Variants in ATP1B3 observed in about 807,000 individuals in gnomAD.
The protein encoded by ATP1B3 is sodium/potassium-transporting ATPase subunit beta-3.
In ATP1B3, 10 loss-of-function variants were observed where a neutral mutation model predicts 30.2. The observed-to-expected ratio is 0.33, with a 90% CI of 0.20 to 0.56. The LOEUF is 0.56. Among genes scored for constraint, ATP1B3 ranks in the 20% least tolerant of loss-of-function variants. ATP1B3 has a pLI of 0.90. For synonymous variants in ATP1B3, 113 were observed against 117.0 expected (o/e 0.97, Z 0.22); for missense variants, 238 against 336.7 (o/e 0.71, Z 2.29).
intron 1 of ATP1B3, among the ~76,000 whole-genome samples, chr3:141,882,502 C>T (rs1183099786): frequency 1.3e-5 from 2 of 152,130 alleles, no homozygotes; most frequent in Non-Finnish European, 2.9e-5. Context: ...ATACATACTT[C>T]CTGTTGAATT....
chr3:141,883,464 G>A (rs564145804), intron 1 of ATP1B3, among the ~76,000 whole-genome samples: 1 of 152,262 alleles, frequency 6.6e-6, no homozygotes, highest in African/African-American at 2.4e-5. Context: ...GCTACAATGA[G>A]CTGTAATTGT....
Position 141,917,470 on chromosome 3 carries a change from C to G in ATP1B3, c.582+1450C>G, listed in dbSNP as rs552808016. Among the ~76,000 whole-genome samples the G allele has an allele frequency of 2.0e-4, 31 of 151,966 alleles. No homozygotes were observed. The South Asian group carries it at 6.2e-3, about 31-fold the overall frequency. On this transcript the variant is annotated intron_variant, in intron 5 of 6. Transcript: ENST00000286371. ...TGGCACTTTGGGAGGCTGAGGCAGG[C>G]AGATCACGAGGTCAAGAGATCGAGA...
intron 3 of ATP1B3, among the ~76,000 whole-genome samples, chr3:141,911,145 A>G (rs1043638174): frequency 6.6e-6 from 1 of 152,008 alleles, no homozygotes; most frequent in Non-Finnish European, 1.5e-5. Flanking sequence ...ATCCTCTGTT[A>G]CCACTTTGAT....
chr3:141,899,490 T>C (rs941822315), intron 1 of ATP1B3, among the ~76,000 whole-genome samples: 12 of 152,150 alleles, frequency 7.9e-5, no homozygotes, highest in African/African-American at 2.7e-4. Context: ...GGTCTAGTCA[T>C]GTGTTGAGGG....
intron 1 of ATP1B3, among the ~76,000 whole-genome samples, chr3:141,893,076 G>A (rs1418537039): frequency 6.6e-6 from 1 of 151,986 alleles, no homozygotes; most frequent in African/African-American, 2.4e-5. Context: ...TTGGTTCACT[G>A]CAGCCTCCAC....
chr3:141,905,848 AAG>A (rs1934254311), intron 2 of ATP1B3, among the ~76,000 whole-genome samples: 2 of 152,136 alleles, frequency 1.3e-5, no homozygotes, highest in African/African-American at 2.4e-5. Context: ...AAATATTTTT[AAG>A]TACACAGTTT....
At chr3:141,900,912 A>G (rs981200345) in intron 1 of ATP1B3, among the ~76,000 whole-genome samples, 1 of 152,080 alleles carries the variant, frequency 6.6e-6, no homozygotes, top group Non-Finnish European at 1.5e-5. Context: ...CCTCTCAAGT[A>G]GCTGGAATTA....
chr3:141,884,877 T>C (rs997635606), intron 1 of ATP1B3, among the ~76,000 whole-genome samples: 7 of 152,210 alleles, frequency 4.6e-5, no homozygotes, highest in African/African-American at 1.7e-4. Context: ...TCTTCTTCTT[T>C]CCTGGCAATG....
chr3:141,876,651 C>G lies in ATP1B3; in HGVS notation c.-151C>G, dbSNP rs1275252294. On this transcript the variant is annotated 5_prime_UTR_variant, in exon 1 of 7. Transcript: ENST00000286371. ...CCGGCGCGGCGCGGCGCAGTCGGCT[C>G]GAGTACTCCCCGTAACGAGGAGGTG... is the stretch of plus-strand genomic sequence containing the variant. 4.2e-6 allele frequency: 2 copies of G among 477,618 alleles called. No homozygotes were observed. The highest frequency in any genetic ancestry group is 7.3e-6 in the Non-Finnish European group (2 of 273,010). 29.6% of individuals were successfully genotyped at this position (477,618 alleles called of 1,614,324 possible). A position where few individuals can be genotyped will look rare whatever the true frequency, so the allele number is the denominator to read the frequency against.
At chr3:141,884,082 A>T (rs910780057) in intron 1 of ATP1B3, among the ~76,000 whole-genome samples, 1 of 152,026 alleles carries the variant, frequency 6.6e-6, no homozygotes, top group Non-Finnish European at 1.5e-5. Flanking sequence ...CCTGCTCTCA[A>T]ATTTAATGGG....
chr3:141,905,337 G>C (rs1934243757), intron 2 of ATP1B3, among the ~76,000 whole-genome samples: 1 of 152,106 alleles, frequency 6.6e-6, no homozygotes, highest in Non-Finnish European at 1.5e-5. Context: ...GGTTGTTACA[G>C]CTAGAGAGGT....
At chr3:141,899,872 A>G (rs1934130351) in intron 1 of ATP1B3, among the ~76,000 whole-genome samples, 1 of 152,006 alleles carries the variant, frequency 6.6e-6, no homozygotes, top group Non-Finnish European at 1.5e-5. Context: ...TCCATCTCCA[A>G]AAAAAAGTGT....
At chr3:141,895,875 C>G (rs1318610363) in intron 1 of ATP1B3, among the ~76,000 whole-genome samples, 4 of 152,172 alleles carry the variant, frequency 2.6e-5, no homozygotes, top group African/African-American at 9.7e-5. Context: ...ACTTCTGGGT[C>G]ATTACATGGT....
intron 1 of ATP1B3, among the ~76,000 whole-genome samples, chr3:141,897,310 G>GT (rs1227960631): frequency 2.0e-5 from 3 of 151,530 alleles, no homozygotes; most frequent in African/African-American, 7.3e-5. Context: ...GATTCTTTTT[G>GT]TTTTTTTTCC....
intron 1 of ATP1B3, among the ~76,000 whole-genome samples, chr3:141,880,025 A>T (rs1297207028): frequency 6.6e-6 from 1 of 151,832 alleles, no homozygotes; most frequent in Non-Finnish European, 1.5e-5. Context: ...TACCCCCAGG[A>T]TTTTATCATT....
intron 3 of ATP1B3, among the ~76,000 whole-genome samples, chr3:141,909,944 A>G (rs1360697907): frequency 6.6e-6 from 1 of 152,110 alleles, no homozygotes; most frequent in African/African-American, 2.4e-5. Flanking sequence ...AAGGTTGTGA[A>G]AAATAGTCTG....
chr3:141,891,222 A>G (rs1933946643), intron 1 of ATP1B3, among the ~76,000 whole-genome samples: 2 of 152,218 alleles, frequency 1.3e-5, no homozygotes, highest in Admixed American at 6.5e-5. Flanking sequence ...ATCACACTAT[A>G]TAGTAGGCTC....
chr3:141,926,497 A>G lies in ATP1B3; in HGVS notation c.*796A>G, dbSNP rs1198365647. 2.0e-5 allele frequency: 3 copies of G among 151,872 alleles called. No homozygotes were observed. The highest frequency in any genetic ancestry group is 4.4e-5 in the Non-Finnish European group (3 of 68,046). The allele number at this position is 151,872 out of a possible 1,614,324, so 9.4% of individuals were successfully genotyped here. On this transcript the variant is annotated 3_prime_UTR_variant, in exon 7 of 7. Coordinates refer to ENST00000286371, the MANE Select transcript of ATP1B3 (RefSeq NM_001679.4). ...AGCAGACTGTGGACTGTAATAAAGT[A>G]TATAAATTGTGAAATATAAAAACTT...
At chr3:141,905,895 T>C (rs1031657987) in intron 2 of ATP1B3, among the ~76,000 whole-genome samples, 3 of 152,090 alleles carry the variant, frequency 2.0e-5, no homozygotes, top group African/African-American at 7.2e-5. Flanking sequence ...TTGTCGATTA[T>C]TTTAGTACTT....
Sources: gnomAD v4.1 joint callset for allele counts (sites outside exome capture counted in the v4.1 genomes callset) on GRCh38, gnomAD v4.1.1 for gene constraint, MANE v1.5 for transcripts, NCBI Gene and HGNC (gene_info 2026-07-23, HGNC 2026-07-21) for gene names.